Variants in DPP10 observed in about 807,000 individuals in gnomAD.
DPP10 encodes dipeptidyl peptidase like 10.
In DPP10, 33 loss-of-function variants were observed where a neutral mutation model predicts 120.9. That is an observed-to-expected ratio of 0.27 (90% confidence interval 0.21 to 0.37). The LOEUF (loss-of-function observed/expected upper bound fraction) is 0.37, where lower values mean the gene tolerates loss of function less well. Ranked by LOEUF, DPP10 falls within the 10% of genes least tolerant of loss-of-function variation. DPP10 has a pLI of 1.00. For synonymous variants in DPP10, 337 were observed against 326.1 expected, an observed-to-expected ratio of 1.03 and a Z score of -0.36; for missense variants, 816 against 942.8, an observed-to-expected ratio of 0.87 and a Z score of 1.76.
intron 1 of DPP10, among the ~76,000 whole-genome samples, chr2:114,568,744 A>G (rs1573677622): frequency 6.6e-6 from 1 of 152,356 alleles, no homozygotes; most frequent in African/African-American, 2.4e-5. Context: ...AATGAGTTAA[A>G]GAATGATTCG....
At chr2:115,550,370 G>T (rs2079799177) in intron 5 of DPP10, among the ~76,000 whole-genome samples, 1 of 151,918 alleles carries the variant, frequency 6.6e-6, no homozygotes, top group Non-Finnish European at 1.5e-5. Context: ...CTGTAACATT[G>T]CTATTGTCAT....
intron 3 of DPP10, among the ~76,000 whole-genome samples, chr2:115,455,385 T>C (rs1359284198): frequency 6.6e-6 from 1 of 152,024 alleles, no homozygotes; most frequent in Admixed American, 6.6e-5. Flanking sequence ...AAAATGGCCA[T>C]ACTGCCCAAA....
At chr2:115,751,274 A>G (rs943219823) in intron 10 of DPP10, among the ~76,000 whole-genome samples, 2 of 152,176 alleles carry the variant, frequency 1.3e-5, no homozygotes, top group South Asian at 2.1e-4. Flanking sequence ...CTACTTTTTA[A>G]TATTCACATT....
chr2:115,814,539 A>C (rs1018447483), intron 19 of DPP10: 17 of 275,026 alleles, frequency 6.2e-5, no homozygotes, highest in Non-Finnish European at 1.0e-4. Context: ...AATGAGCTAA[A>C]CTAATTTCTA....
intron 4 of DPP10, among the ~76,000 whole-genome samples, chr2:115,505,931 G>C (rs1412143886): frequency 6.6e-6 from 1 of 151,570 alleles, no homozygotes; most frequent in Non-Finnish European, 1.5e-5. Flanking sequence ...ATATATATCA[G>C]AACATCACAT....
chr2:115,612,528 A>G (rs1327114704), intron 5 of DPP10, among the ~76,000 whole-genome samples: 1 of 152,200 alleles, frequency 6.6e-6, no homozygotes, highest in Admixed American at 6.5e-5. Flanking sequence ...ATAACAAAGT[A>G]GAATGTATCT....
chr2:114,478,324 T>C (rs988464805), intron 1 of DPP10, among the ~76,000 whole-genome samples: 4 of 152,082 alleles, frequency 2.6e-5, no homozygotes, highest in African/African-American at 9.7e-5. Flanking sequence ...AATAGAAGAT[T>C]ATATCAGTTT....
At chr2:115,750,291 G>T (rs1678539103) in intron 10 of DPP10, 2 of 760,290 alleles carry the variant, frequency 2.6e-6, no homozygotes, top group African/African-American at 3.8e-5. Flanking sequence ...GTACACCTAG[G>T]CTCCTGGGGC....
intron 5 of DPP10, among the ~76,000 whole-genome samples, chr2:115,617,583 A>G (rs1311636931): frequency 3.9e-5 from 6 of 151,902 alleles, no homozygotes; most frequent in Non-Finnish European, 8.8e-5. Context: ...AGATACACAA[A>G]TATTTACCAT....
At chr2:114,607,252 G>C (rs769263008) in intron 1 of DPP10, among the ~76,000 whole-genome samples, 2 of 152,156 alleles carry the variant, frequency 1.3e-5, no homozygotes, top group Non-Finnish European at 2.9e-5. Context: ...AAGACAGCAA[G>C]AAAGAAAGAT....
intron 5 of DPP10, among the ~76,000 whole-genome samples, chr2:115,654,722 C>T (rs1217674737): frequency 1.3e-5 from 2 of 151,708 alleles, no homozygotes; most frequent in Non-Finnish European, 2.9e-5. Flanking sequence ...ATGAAGAGGA[C>T]CAATAGTAGT....
At position 115,462,667 on chromosome 2, in the gene DPP10, A is replaced by T. The variant is rs551792214; in HGVS notation, c.272-36843A>T. On this transcript the variant is annotated intron_variant, in intron 3 of 25. Transcript: ENST00000410059. Reference sequence around the variant, plus strand: ...ATATAAAATAAAAGTATTATAAAGAATATTTGCTAATGTATATTTATGCAG... The same window carrying T: ...ATATAAAATAAAAGTATTATAAAGATTATTTGCTAATGTATATTTATGCAG... Among the ~76,000 whole-genome samples the T allele has an allele frequency of 8.5e-5, 13 of 152,298 alleles. No homozygotes were observed. The South Asian group carries it at 2.3e-3, about 27-fold the overall frequency.
At chr2:115,742,085 T>A (rs1328720651) in intron 9 of DPP10, among the ~76,000 whole-genome samples, 1 of 152,202 alleles carries the variant, frequency 6.6e-6, no homozygotes, top group Non-Finnish European at 1.5e-5. Context: ...TCAGGGAGAC[T>A]TTCCACTTGT....
At chr2:115,246,453 A>AT (rs913523515) in intron 1 of DPP10, among the ~76,000 whole-genome samples, 18 of 152,128 alleles carry the variant, frequency 1.2e-4, no homozygotes, top group African/African-American at 3.6e-4. Flanking sequence ...GAATTGGTGG[A>AT]TTTTTTCAAG....
At chr2:114,569,607 G>A (rs544661865) in intron 1 of DPP10, among the ~76,000 whole-genome samples, 1 of 152,214 alleles carries the variant, frequency 6.6e-6, no homozygotes, top group South Asian at 2.1e-4. Context: ...ATTGTCCCCT[G>A]AGAAAATATA....
At chr2:115,674,511 A>G (rs1377916956) in intron 5 of DPP10, among the ~76,000 whole-genome samples, 1 of 152,000 alleles carries the variant, frequency 6.6e-6, no homozygotes, top group Non-Finnish European at 1.5e-5. Flanking sequence ...AAAAAATGTT[A>G]ATTACTGAAC....
intron 1 of DPP10, among the ~76,000 whole-genome samples, chr2:115,181,379 G>GGT (rs1229334403): frequency 6.6e-6 from 1 of 152,148 alleles, no homozygotes; most frequent in Non-Finnish European, 1.5e-5. Context: ...CAGGTGGCTT[G>GGT]GTGGGCAGTG....
Position 114,765,886 on chromosome 2 carries a change from T to TA in DPP10, c.60+323055dup, listed in dbSNP as rs572847974. Among the ~76,000 whole-genome samples, 484 of 152,074 alleles carry TA rather than the reference T, an allele frequency of 3.2e-3. 2 individuals are homozygous for TA. The highest frequency in any genetic ancestry group is 0.011 in the African/African-American group (464 of 41,522). On this transcript the variant is annotated intron_variant, in intron 1 of 25. Transcript: ENST00000410059. ...AACCTCTGGCTCCAAGCATAAGTAA[T>TA]AAAAAAATCCTAACTGGAGGAAATC...
Position 115,408,933 on chromosome 2 carries a change from T to A in DPP10, c.271+65021T>A, listed in dbSNP as rs183655127. Reference sequence around the variant, plus strand: ...ACACACAGATCAAATCCAAAGTAATTAGAAGTAAATAAATAGTAGATCTCT... The same window carrying A: ...ACACACAGATCAAATCCAAAGTAATAAGAAGTAAATAAATAGTAGATCTCT... On this transcript the variant is annotated intron_variant, in intron 3 of 25. Coordinates refer to ENST00000410059, the MANE Select transcript of DPP10 (RefSeq NM_020868.6). 1.5e-3 allele frequency among the ~76,000 whole-genome samples: 225 copies of A among 151,760 alleles called. 2 individuals are homozygous for A. Among genetic ancestry groups the A allele is most frequent in the African/African-American group, 5.3e-3 (219 of 41,406 alleles).
Sources: gnomAD v4.1 joint callset for allele counts (sites outside exome capture counted in the v4.1 genomes callset) on GRCh38, gnomAD v4.1.1 for gene constraint, MANE v1.5 for transcripts, NCBI Gene and HGNC (gene_info 2026-07-23, HGNC 2026-07-21) for gene names.